The following PTPRN2 variants were observed in gnomAD, a reference collection of about 807,000 sequenced individuals.
PTPRN2 encodes receptor-type tyrosine-protein phosphatase N2.
PTPRN2 carries 74 observed loss-of-function variants against 118.8 expected under a neutral mutation model. That is an observed-to-expected ratio of 0.62 (90% confidence interval 0.52 to 0.76). The LOEUF (loss-of-function observed/expected upper bound fraction) is 0.76. Among genes scored for constraint, PTPRN2 ranks in the 30% least tolerant of loss-of-function variants. PTPRN2 has a pLI of 0.00. For synonymous variants in PTPRN2, 641 were observed against 608.0 expected (o/e 1.05, Z -0.80); for missense variants, 1,481 against 1,394.4 (o/e 1.06, Z -0.99).
At chr7:158,207,609 A>G (rs1258059579) in intron 3 of PTPRN2, among the ~76,000 whole-genome samples, 1 of 152,220 alleles carries the variant, frequency 6.6e-6, no homozygotes, top group Non-Finnish European at 1.5e-5. Flanking sequence ...TACAAGAAAA[A>G]AACAACCCCA....
chr7:158,216,763 C>T (rs562103253), intron 3 of PTPRN2, among the ~76,000 whole-genome samples: 13 of 152,148 alleles, frequency 8.5e-5, no homozygotes, highest in African/African-American at 2.9e-4. Context: ...ATCTAATGAA[C>T]ATTTATGGAA....
At chr7:158,084,168 A>C (rs1813068476) in intron 10 of PTPRN2, among the ~76,000 whole-genome samples, 1 of 152,166 alleles carries the variant, frequency 6.6e-6, no homozygotes, top group Non-Finnish European at 1.5e-5. Flanking sequence ...CAGGGGCAAC[A>C]CTGGGGGCTC....
intron 3 of PTPRN2, among the ~76,000 whole-genome samples, chr7:158,308,340 GT>G (rs1801451634): frequency 6.6e-6 from 1 of 152,138 alleles, no homozygotes; most frequent in South Asian, 2.1e-4. Context: ...TCCCTAGCAA[GT>G]TCTAAATGGA....
At position 158,508,906 on chromosome 7, in the gene PTPRN2, C is replaced by T. The variant is rs866661559; in HGVS notation, c.113-19121G>A. ...GGGTGTCGGGGCAACGTGGGACGCT[C>T]GGAGCAGGTGCGGAAGTGGCTCTGC... On this transcript the variant is annotated intron_variant, in intron 1 of 22. Coordinates refer to ENST00000389418, the MANE Select transcript of PTPRN2 (RefSeq NM_002847.5). Among the ~76,000 whole-genome samples the T allele has an allele frequency of 5.9e-3, 772 of 130,348 alleles. 49 individuals are homozygous for T. The highest frequency in any genetic ancestry group is 0.022 in the African/African-American group (699 of 31,150). The allele number at this position is 130,348 out of a possible 152,430, so 85.5% of individuals were successfully genotyped here.
intron 22 of PTPRN2, 105 bp from the exon 23 acceptor site, chr7:157,540,890 C>A: frequency 1.1e-6 from 1 of 883,816 alleles, no homozygotes; most frequent in Admixed American, 2.6e-5. Flanking sequence ...CCCTTCCCAA[C>A]GCAGCATCAG....
rs117189862 is a variant in PTPRN2 at position 157,992,737 on chromosome 7, G to A, written c.1723+88561C>T. Among the ~76,000 whole-genome samples, 154 of 152,324 alleles carry A rather than the reference G, an allele frequency of 1.0e-3. 2 individuals carry two copies. In the East Asian group the frequency reaches 0.025, roughly 25 times the overall value. ...ACTCCACCAGGAGCCCCCAGGCACC[G>A]TGGCCACAGGACAGCCGAGCTTGTG... On this transcript the variant is annotated intron_variant, in intron 11 of 22. Coordinates refer to ENST00000389418, the MANE Select transcript of PTPRN2 (RefSeq NM_002847.5).
intron 12 of PTPRN2, among the ~76,000 whole-genome samples, chr7:157,698,815 T>C (rs942962785): frequency 7.9e-5 from 12 of 152,242 alleles, no homozygotes; most frequent in Non-Finnish European, 1.5e-4. Flanking sequence ...TATTTAATAG[T>C]TGATGTTCAG....
intron 2 of PTPRN2, among the ~76,000 whole-genome samples, chr7:158,416,713 T>C (rs1346108029): frequency 2.0e-5 from 3 of 152,146 alleles, no homozygotes; most frequent in Admixed American, 2.0e-4. Flanking sequence ...CTGGGAAACA[T>C]AGACTGGCTA....
chr7:158,238,638 AT>A (rs1459401767), intron 3 of PTPRN2, among the ~76,000 whole-genome samples: 4 of 152,156 alleles, frequency 2.6e-5, no homozygotes, highest in Non-Finnish European at 5.9e-5. Context: ...AGGTCATGTT[AT>A]TAAGAAGTGG....
chr7:158,403,782 T>C (rs1400232209), intron 2 of PTPRN2, among the ~76,000 whole-genome samples: 1 of 152,136 alleles, frequency 6.6e-6, no homozygotes, highest in Non-Finnish European at 1.5e-5. Context: ...GAATCTTGAT[T>C]CCCCCAGAGT....
In PTPRN2 at chr7:157,831,485, C is replaced by T. The variant is rs1435427755; in HGVS notation, c.1788+67188G>A. Among the ~76,000 whole-genome samples the T allele has an allele frequency of 2.0e-5, 3 of 152,068 alleles. No individual in the cohort carries two copies. Among genetic ancestry groups the T allele is most frequent in the Admixed American group, 1.3e-4 (2 of 15,280 alleles). On this transcript the variant is annotated intron_variant, in intron 12 of 22. Transcript: ENST00000389418. The surrounding 1 kb of genome is among the most constrained non-coding windows in gnomAD (Gnocchi z 4.8). ...TTGCCCTGGGGCTGGGGCTGGGAGACGGAGCTGCCCTCCCCATCCCTGTCC... is the reference window on the plus strand; with the variant it reads ...TTGCCCTGGGGCTGGGGCTGGGAGATGGAGCTGCCCTCCCCATCCCTGTCC...
At chr7:158,072,008 C>T (rs1259017486) in intron 11 of PTPRN2, among the ~76,000 whole-genome samples, 1 of 110,976 alleles carries the variant, frequency 9.0e-6, no homozygotes, top group South Asian at 3.8e-4. Context: ...TGGAGGTGCT[C>T]GTCGTATGGA....
chr7:158,103,480 T>G (rs942394318), intron 10 of PTPRN2, among the ~76,000 whole-genome samples: 2 of 152,228 alleles, frequency 1.3e-5, no homozygotes, highest in African/African-American at 4.8e-5. Context: ...GCTGTGCCCA[T>G]GGAGCAGCGA....
intron 3 of PTPRN2, among the ~76,000 whole-genome samples, chr7:158,239,821 T>C (rs530640344): frequency 4.6e-5 from 7 of 152,292 alleles, no homozygotes; most frequent in African/African-American, 1.2e-4. Flanking sequence ...TCCACGCCCA[T>C]TGGGTCACGA....
chr7:158,434,614 A>G (rs1816445540), intron 2 of PTPRN2, among the ~76,000 whole-genome samples: 1 of 152,068 alleles, frequency 6.6e-6, no homozygotes, highest in Non-Finnish European at 1.5e-5. Context: ...TTAATTTTTG[A>G]GTGGAGTATT....
At chr7:158,133,589 C>T in intron 9 of PTPRN2, 88 bp downstream of exon 9, 1 of 1,483,860 alleles carries the variant, frequency 6.7e-7, no homozygotes, top group Non-Finnish European at 8.9e-7. Flanking sequence ...GCGTATGCAT[C>T]CGCCACAGCA....
chr7:158,237,934 C>T (rs904561299), intron 3 of PTPRN2, among the ~76,000 whole-genome samples: 37 of 152,274 alleles, frequency 2.4e-4, no homozygotes, highest in African/African-American at 5.3e-4. Context: ...GCCCGCAGCC[C>T]GGCGGCTGCC....
At position 157,669,422 on chromosome 7, in the gene PTPRN2, C is replaced by T. The variant is rs111965709; in HGVS notation, c.2002-12871G>A. On this transcript the variant is annotated intron_variant, in intron 13 of 22. Coordinates refer to ENST00000389418, the MANE Select transcript of PTPRN2 (RefSeq NM_002847.5). The stretch of plus-strand genomic sequence containing the variant: ...AGAACAACCCACACACGTGTTTGCA[C>T]GCGCACACACACACACACCCAGGGG... 327 of 413,780 alleles carry T rather than the reference C, an allele frequency of 7.9e-4. 1 individual carries two copies. Among genetic ancestry groups the T allele is most frequent in the African/African-American group, 7.3e-3 (309 of 42,076 alleles). The allele number at this position is 413,780 out of a possible 1,614,324, so 25.6% of individuals were successfully genotyped here.
chr7:157,971,385 T>C (rs1416039209), intron 11 of PTPRN2, among the ~76,000 whole-genome samples: 1 of 152,224 alleles, frequency 6.6e-6, no homozygotes, highest in East Asian at 1.9e-4. Flanking sequence ...CAGTGCAGCA[T>C]AGACACACCT....
Sources: gnomAD v4.1 joint callset for allele counts (sites outside exome capture counted in the v4.1 genomes callset) on GRCh38, gnomAD v4.1.1 for gene constraint, Gnocchi (gnomAD v3.1) non-coding constraint, MANE v1.5 for transcripts, NCBI Gene and HGNC (gene_info 2026-07-23, HGNC 2026-07-21) for gene names.